The following DOCK3 variants were observed in gnomAD, a reference collection of about 807,000 sequenced individuals.
DOCK3 encodes dedicator of cytokinesis protein 3.
A neutral mutation model predicts 265.6 loss-of-function variants in DOCK3; 60 were observed. That is an observed-to-expected ratio of 0.23 (90% CI 0.18 to 0.28). The LOEUF (loss-of-function observed/expected upper bound fraction) is 0.28. Among genes scored for constraint, DOCK3 ranks in the 10% least tolerant of loss-of-function variants. The pLI is 1.00. For missense variants in DOCK3, 1,981 were observed against 2,594.3 expected (o/e 0.76, Z 5.14); for synonymous variants, 881 against 938.0 (o/e 0.94, Z 1.11).
At chr3:51,308,582 G>A (rs1339403916) in intron 27 of DOCK3, among the ~76,000 whole-genome samples, 1 of 152,136 alleles carries the variant, frequency 6.6e-6, no homozygotes, top group African/African-American at 2.4e-5. Flanking sequence ...ATTTTTCTTA[G>A]TACAGAACAA....
intron 5 of DOCK3, among the ~76,000 whole-genome samples, chr3:50,985,821 TATTAAATTAAATTA>T (rs991982826): frequency 1.3e-5 from 2 of 151,646 alleles, no homozygotes; most frequent in Non-Finnish European, 2.9e-5. Context: ...TAAATTTATT[TATTAAATTAAATTA>T]ATTAAATTAA....
intron 5 of DOCK3, among the ~76,000 whole-genome samples, chr3:51,045,954 T>C (rs2080760798): frequency 6.6e-6 from 1 of 152,160 alleles, no homozygotes; most frequent in Non-Finnish European, 1.5e-5. Context: ...GCTCTCCTGC[T>C]CATGGACCCT....
At chr3:51,311,916 G>T in intron 28 of DOCK3, 88 bp from the exon 29 acceptor site, 2 of 906,134 alleles carry the variant, frequency 2.2e-6, no homozygotes, top group South Asian at 4.1e-5. Context: ...CAAGAAGTTT[G>T]CACACAGGCT....
At chr3:51,095,059 A>G (rs2082788305) in intron 9 of DOCK3, among the ~76,000 whole-genome samples, 3 of 147,190 alleles carry the variant, frequency 2.0e-5, no homozygotes, top group East Asian at 2.0e-4. Flanking sequence ...TTTTGAGCCT[A>G]TGTGTGTCTT....
At chr3:51,296,833 T>G (rs2082107742) in intron 27 of DOCK3, among the ~76,000 whole-genome samples, 1 of 152,034 alleles carries the variant, frequency 6.6e-6, no homozygotes, top group South Asian at 2.1e-4. Flanking sequence ...TATCCACATG[T>G]AGGGCCAGGT....
chr3:51,059,245 A>T (rs2081314617), intron 5 of DOCK3, among the ~76,000 whole-genome samples: 1 of 152,120 alleles, frequency 6.6e-6, no homozygotes, highest in African/African-American at 2.4e-5. Flanking sequence ...TTATAAGGGC[A>T]CTAATCCCAT....
At chr3:50,927,634 T>C (rs2050831294) in intron 4 of DOCK3, among the ~76,000 whole-genome samples, 1 of 152,226 alleles carries the variant, frequency 6.6e-6, no homozygotes, top group Non-Finnish European at 1.5e-5. Flanking sequence ...AAATTGACTG[T>C]AGCTGCTACC....
chr3:51,070,434 C>T (rs908543245), intron 6 of DOCK3, among the ~76,000 whole-genome samples: 8 of 152,128 alleles, frequency 5.3e-5, no homozygotes, highest in African/African-American at 1.9e-4. Context: ...CTTTAACAGG[C>T]CACTTAGTTA....
At chr3:50,992,363 T>C (rs2078137886) in intron 5 of DOCK3, among the ~76,000 whole-genome samples, 1 of 152,172 alleles carries the variant, frequency 6.6e-6, no homozygotes, top group Admixed American at 6.5e-5. Flanking sequence ...AGTGGCGTGA[T>C]CTCAGCTCAC....
intron 2 of DOCK3, chr3:50,787,962 C>G (rs1157891913): frequency 2.2e-6 from 2 of 898,800 alleles, no homozygotes; most frequent in East Asian, 5.7e-5. Flanking sequence ...TCTTCCTCTT[C>G]TTCCTCCTCC....
intron 22 of DOCK3, among the ~76,000 whole-genome samples, chr3:51,247,613 T>C (rs969850090): frequency 1.3e-5 from 2 of 152,254 alleles, no homozygotes; most frequent in South Asian, 2.1e-4. Context: ...ATTATCAGAC[T>C]GAAGGGGCAA....
rs750869061 is a variant in DOCK3 at position 51,280,129 on chromosome 3, C to T, written c.2847C>T (p.Leu949=). The change falls in exon 27 of 53, where the codon CTC becomes CTT. Residue 949 remains leucine, a synonymous_variant. Coordinates refer to ENST00000266037, the MANE Select transcript of DOCK3 (RefSeq NM_004947.5). ...EITGEYVSCL[L]SLLRQMCDTH... is the part of the protein sequence containing the mutation. ...AGGGCGAGTATGTGTCCTGCCTTCT[C>T]TCACTGCTCCGCCAGATGTGTGACA... 1.2e-6 allele frequency: 2 copies of T among 1,613,862 alleles called. No homozygotes were observed. The highest frequency in any genetic ancestry group is 2.2e-5 in the East Asian group (1 of 44,856).
At chr3:51,041,177 T>C (rs867572422) in intron 5 of DOCK3, among the ~76,000 whole-genome samples, 3 of 11,332 alleles carry the variant, frequency 2.6e-4, no homozygotes, top group Non-Finnish European at 6.3e-4. Context: ...TATATATATA[T>C]ATATATATAT....
At chr3:50,843,638 A>G (rs2045945108) in intron 3 of DOCK3, among the ~76,000 whole-genome samples, 1 of 152,182 alleles carries the variant, frequency 6.6e-6, no homozygotes, top group African/African-American at 2.4e-5. Context: ...AAAGAATGTT[A>G]GAGCTCATTT....
At chr3:50,699,887 A>G (rs1326244163) in intron 1 of DOCK3, among the ~76,000 whole-genome samples, 3 of 152,148 alleles carry the variant, frequency 2.0e-5, no homozygotes, top group Admixed American at 1.3e-4. Context: ...AATACATGTG[A>G]TATTTTGATA....
At chr3:51,287,645 G>A (rs1208417698) in intron 27 of DOCK3, among the ~76,000 whole-genome samples, 1 of 152,170 alleles carries the variant, frequency 6.6e-6, no homozygotes, top group Non-Finnish European at 1.5e-5. Context: ...AACAAATGCT[G>A]GTGAGGTTGC....
intron 40 of DOCK3, among the ~76,000 whole-genome samples, chr3:51,352,613 G>C (rs1230007991): frequency 6.6e-6 from 1 of 152,228 alleles, no homozygotes; most frequent in Non-Finnish European, 1.5e-5. Context: ...CTCCACACAA[G>C]ATGCAATCTC....
intron 3 of DOCK3, among the ~76,000 whole-genome samples, chr3:50,865,159 T>C (rs535307720): frequency 2.0e-5 from 3 of 152,290 alleles, no homozygotes; most frequent in South Asian, 2.1e-4. Flanking sequence ...AGTCTAATTA[T>C]ACTGTTTTAA....
At chr3:51,213,270 A>T (rs2089611873) in intron 13 of DOCK3, among the ~76,000 whole-genome samples, 1 of 152,138 alleles carries the variant, frequency 6.6e-6, no homozygotes, top group Non-Finnish European at 1.5e-5. Flanking sequence ...CAACACCTAA[A>T]TTCTTCATCC....
Sources: allele counts gnomAD v4.1 joint callset (sites outside exome capture counted in the v4.1 genomes callset), GRCh38; gene constraint gnomAD v4.1.1; transcripts MANE v1.5; gene names NCBI Gene and HGNC (gene_info 2026-07-23, HGNC 2026-07-21).